Variants in SPAG16 observed in about 807,000 individuals in gnomAD.
The protein encoded by SPAG16 is sperm-associated antigen 16 protein.
SPAG16 carries 86 observed loss-of-function variants against 80.4 expected under a neutral mutation model. That is an observed-to-expected ratio of 1.07 (90% confidence interval 0.90 to 1.28). The LOEUF is 1.28. Ranked by LOEUF, SPAG16 falls within the 50% of genes most tolerant of loss-of-function variation. SPAG16 has a pLI of 0.00. For synonymous variants in SPAG16, 294 were observed against 265.9 expected (o/e 1.11, Z -1.03); for missense variants, 870 against 765.3 (o/e 1.14, Z -1.61).
chr2:213,973,638 T>C (rs1258463806), intron 12 of SPAG16, among the ~76,000 whole-genome samples: 5 of 127,374 alleles, frequency 3.9e-5, no homozygotes, highest in East Asian at 2.1e-4. Context: ...ATTGCCCCCT[T>C]TTTTTTTTTT....
chr2:214,041,561 C>T (rs1414488417), intron 13 of SPAG16, among the ~76,000 whole-genome samples: 1 of 151,292 alleles, frequency 6.6e-6, no homozygotes, highest in Non-Finnish European at 1.5e-5. Context: ...TTATAAGGGA[C>T]TAAGTTATTA....
intron 10 of SPAG16, among the ~76,000 whole-genome samples, chr2:213,681,763 A>T (rs2064397768): frequency 6.6e-6 from 1 of 152,212 alleles, no homozygotes; most frequent in African/African-American, 2.4e-5. Context: ...CCAGTTCTGC[A>T]CTGCATTTTT....
At chr2:214,321,088 G>T (rs7586872) in intron 15 of SPAG16, among the ~76,000 whole-genome samples, 136,925 of 152,142 alleles carry the variant, frequency 0.9, 62,881 homozygotes, top group Non-Finnish European at 1. Flanking sequence ...AGCTGTACTT[G>T]GTCTATTTTA....
At chr2:213,363,094 C>A (rs1318645775) in intron 7 of SPAG16, among the ~76,000 whole-genome samples, 1 of 152,004 alleles carries the variant, frequency 6.6e-6, no homozygotes, top group Non-Finnish European at 1.5e-5. Flanking sequence ...ATTAATAAAA[C>A]TAAAAATATG....
At chr2:214,200,627 T>C (rs935295474) in intron 15 of SPAG16, among the ~76,000 whole-genome samples, 2 of 152,080 alleles carry the variant, frequency 1.3e-5, no homozygotes, top group Non-Finnish European at 2.9e-5. Flanking sequence ...GTGCTGAGAT[T>C]GCACCACTTC....
At chr2:214,079,986 T>C (rs976991135) in intron 13 of SPAG16, among the ~76,000 whole-genome samples, 5 of 152,226 alleles carry the variant, frequency 3.3e-5, no homozygotes, top group African/African-American at 9.6e-5. Context: ...TTTTTATCAT[T>C]CTTCACTGAA....
intron 15 of SPAG16, among the ~76,000 whole-genome samples, chr2:214,247,655 A>G (rs1207169242): frequency 6.6e-6 from 1 of 152,226 alleles, no homozygotes; most frequent in African/African-American, 2.4e-5. Flanking sequence ...CCATAGCTTT[A>G]TAGCAAACAT....
intron 15 of SPAG16, among the ~76,000 whole-genome samples, chr2:214,401,390 T>C (rs1429614827): frequency 6.6e-6 from 1 of 151,992 alleles, no homozygotes; most frequent in African/African-American, 2.4e-5. Flanking sequence ...TCCTTATTCA[T>C]CAAAGTTTCT....
At chr2:214,350,345 C>T (rs775604919) in intron 15 of SPAG16, among the ~76,000 whole-genome samples, 7 of 152,204 alleles carry the variant, frequency 4.6e-5, no homozygotes, top group Non-Finnish European at 1.0e-4. Context: ...GACATGTCTC[C>T]GGGCTCTCTT....
chr2:214,408,831 G>A (rs930298647), intron 15 of SPAG16, among the ~76,000 whole-genome samples: 2 of 151,912 alleles, frequency 1.3e-5, no homozygotes, highest in Non-Finnish European at 2.9e-5. Context: ...CTATACCTAG[G>A]GTGTCATTAT....
chr2:214,271,842 AC>A (rs201033653), intron 15 of SPAG16, among the ~76,000 whole-genome samples: 197 of 135,710 alleles, frequency 1.5e-3, no homozygotes, highest in East Asian at 2.0e-3. Flanking sequence ...ACTGTGGGAA[AC>A]CCCCCCCCCA....
chr2:214,234,025 C>T (rs929297784), intron 15 of SPAG16, among the ~76,000 whole-genome samples: 1 of 151,936 alleles, frequency 6.6e-6, no homozygotes, highest in East Asian at 1.9e-4. Context: ...TCCTGATGCT[C>T]TCCCTCCTCC....
intron 13 of SPAG16, among the ~76,000 whole-genome samples, chr2:214,018,193 C>A (rs986479933): frequency 3.9e-5 from 6 of 151,992 alleles, no homozygotes; most frequent in Admixed American, 3.9e-4. Flanking sequence ...TAAACAGAAT[C>A]ATTCCACTAA....
intron 13 of SPAG16, among the ~76,000 whole-genome samples, chr2:214,030,273 C>A (rs2048344505): frequency 6.6e-6 from 1 of 152,094 alleles, no homozygotes; most frequent in African/African-American, 2.4e-5. Flanking sequence ...CAATGTCTTC[C>A]AGGTTCACCC....
At chr2:213,940,577 G>A (rs766550107) in intron 12 of SPAG16, among the ~76,000 whole-genome samples, 1 of 152,156 alleles carries the variant, frequency 6.6e-6, no homozygotes, top group African/African-American at 2.4e-5. Flanking sequence ...TTACAGGTAT[G>A]AGCCACCTGC....
intron 10 of SPAG16, among the ~76,000 whole-genome samples, chr2:213,831,777 TA>T (rs1353522267): frequency 6.6e-6 from 1 of 152,184 alleles, no homozygotes; most frequent in Non-Finnish European, 1.5e-5. Context: ...TTTAGCATTT[TA>T]AAACTTTACA....
At chr2:214,391,840 C>G (rs1446237122) in intron 15 of SPAG16, among the ~76,000 whole-genome samples, 1 of 152,178 alleles carries the variant, frequency 6.6e-6, no homozygotes, top group Non-Finnish European at 1.5e-5. Context: ...ATCTTCTCTC[C>G]AACCCTGCTC....
At chr2:214,194,284 A>G (rs572883985) in intron 15 of SPAG16, among the ~76,000 whole-genome samples, 13 of 152,078 alleles carry the variant, frequency 8.5e-5, no homozygotes, top group Non-Finnish European at 1.9e-4. Context: ...AAACCTGTCT[A>G]CCTAGATCAT....
At chr2:213,815,554 TC>T (rs1012922846) in intron 10 of SPAG16, among the ~76,000 whole-genome samples, 49 of 152,198 alleles carry the variant, frequency 3.2e-4, no homozygotes, top group Admixed American at 3.2e-3. Flanking sequence ...ACAATTAGAC[TC>T]CCATGAGATT....
Sources: allele counts gnomAD v4.1 joint callset (sites outside exome capture counted in the v4.1 genomes callset), GRCh38; gene constraint gnomAD v4.1.1; transcripts MANE v1.5; gene names NCBI Gene and HGNC (gene_info 2026-07-23, HGNC 2026-07-21).